RBBP5: variants seen among roughly 807,000 people sequenced by gnomAD.
RBBP5 encodes RB binding protein 5, histone lysine methyltransferase complex subunit, also known as retinoblastoma-binding protein 5.
RBBP5 carries 5 observed loss-of-function variants against 72.2 expected under a neutral mutation model. The ratio of observed to expected loss-of-function variants is 0.07; its 90% CI spans 0.04 to 0.15. The LOEUF is 0.15. RBBP5 is among the 10% of genes least tolerant of loss of function. The pLI is 1.00. For synonymous variants in RBBP5, 209 were observed against 237.2 expected, an observed-to-expected ratio of 0.88 and a Z score of 1.09; for missense variants, 322 against 652.2, an observed-to-expected ratio of 0.49 and a Z score of 5.51.
At chr1:205,112,344 TA>T (rs1656350074) in intron 3 of RBBP5, among the ~76,000 whole-genome samples, 1 of 152,104 alleles carries the variant, frequency 6.6e-6, no homozygotes, top group East Asian at 1.9e-4. Context: ...AATACAGTTA[TA>T]AATTATCTCA....
chr1:205,096,245 G>A (rs1655613955), intron 12 of RBBP5, among the ~76,000 whole-genome samples: 1 of 151,684 alleles, frequency 6.6e-6, no homozygotes. Context: ...GAGGAAGAAG[G>A]ATGCTCAATG....
intron 3 of RBBP5, among the ~76,000 whole-genome samples, chr1:205,113,444 T>TG (rs1656396526): frequency 6.6e-6 from 1 of 152,034 alleles, no homozygotes; most frequent in Admixed American, 6.6e-5. Flanking sequence ...TACACCCAGC[T>TG]AATTTTTTTA....
intron 1 of RBBP5, among the ~76,000 whole-genome samples, chr1:205,118,865 T>C (rs899646675): frequency 6.6e-6 from 1 of 152,164 alleles, no homozygotes; most frequent in African/African-American, 2.4e-5. Context: ...GTTGCAGAAG[T>C]AAAACTAGTG....
chr1:205,114,368 C>T (rs758369250), intron 3 of RBBP5, among the ~76,000 whole-genome samples: 1 of 152,114 alleles, frequency 6.6e-6, no homozygotes, highest in Non-Finnish European at 1.5e-5. Flanking sequence ...TTCTATAAAG[C>T]CTTAATAACT....
intron 1 of RBBP5, among the ~76,000 whole-genome samples, chr1:205,119,224 C>A (rs1277336837): frequency 6.6e-6 from 1 of 152,022 alleles, no homozygotes; most frequent in African/African-American, 2.4e-5. Context: ...GAAACCCAGT[C>A]TCTACTAAAA....
intron 13 of RBBP5, among the ~76,000 whole-genome samples, chr1:205,093,511 TATATATATATATATATATATATACACAC>T (rs1655471633): frequency 1.2e-3 from 10 of 8,096 alleles, no homozygotes; most frequent in African/African-American, 4.7e-3. Flanking sequence ...TATATATATA[TATATATATATATATATATATATACACAC>T]ACACACACAC....
chr1:205,098,864 AGTGT>A, intron 10 of RBBP5, 121 bp downstream of exon 10: 1 of 518,080 alleles, frequency 1.9e-6, no homozygotes, highest in Non-Finnish European at 3.3e-6. Flanking sequence ...AAAAAAAAAA[AGTGT>A]GGGGTGGAGG....
intron 3 of RBBP5, 70 bp from the exon 4 acceptor site, chr1:205,105,238 G>A (rs1656008315): frequency 1.3e-6 from 2 of 1,528,594 alleles, no homozygotes. Context: ...AATAAACTGT[G>A]TAAGTCACAC....
intron 13 of RBBP5, among the ~76,000 whole-genome samples, chr1:205,093,801 CAA>C (rs1368201355): frequency 6.6e-6 from 1 of 151,804 alleles, no homozygotes; most frequent in Non-Finnish European, 1.5e-5. Context: ...TGTTTACAGA[CAA>C]TGATTAAATG....
intron 13 of RBBP5, among the ~76,000 whole-genome samples, chr1:205,093,479 AATATATAT>A (rs1204598107): frequency 1.5e-3 from 12 of 7,844 alleles, no homozygotes; most frequent in Non-Finnish European, 3.1e-3. Context: ...AAAAAAAAAA[AATATATAT>A]ATATATATAT....
rs968830336 is a variant in RBBP5, at chr1:205,099,303, G to A, written c.979-197C>T. Among the ~76,000 whole-genome samples the A allele has an allele frequency of 3.9e-5, 6 of 152,178 alleles. No homozygotes were observed. The highest frequency in any genetic ancestry group is 1.4e-4 in the African/African-American group (6 of 41,436). ...TATCTTAAACATTAAGATAAGCTAA[G>A]TTATTAACTGTAGCTCTTTTGAATC... On this transcript the variant is annotated intron_variant, in intron 9 of 13. Transcript: ENST00000264515. This position sits in a 1 kb window ranked among gnomAD's most constrained non-coding sequence, Gnocchi z 4.7.
Position 205,099,321 on chromosome 1 carries a change from T to G in RBBP5, c.979-215A>C, listed in dbSNP as rs1479568477. 6.6e-6 allele frequency among the ~76,000 whole-genome samples: 1 copy of G among 152,252 alleles called. No individual in the cohort carries two copies. The highest frequency in any genetic ancestry group is 1.5e-5 in the Non-Finnish European group (1 of 68,044). ...AAGCTAAGTTATTAACTGTAGCTCT[T>G]TTGAATCACTGCCTTCTTTGGTCAT... is the stretch of plus-strand genomic sequence containing the variant. On this transcript the variant is annotated intron_variant, in intron 9 of 13. Transcript: ENST00000264515. This position sits in a 1 kb window ranked among gnomAD's most constrained non-coding sequence, Gnocchi z 4.7.
chr1:205,114,717 C>T (rs1394294956), intron 3 of RBBP5, 72 bp downstream of exon 3: 15 of 1,298,238 alleles, frequency 1.2e-5, no homozygotes, highest in Non-Finnish European at 1.5e-5. Context: ...AAAATATCTA[C>T]AATGAGATTT....
intron 1 of RBBP5, chr1:205,116,392 C>G (rs959951808): frequency 1.7e-5 from 5 of 291,396 alleles, no homozygotes; most frequent in African/African-American, 4.4e-5. Context: ...CTCTGGGGAC[C>G]CTCTACTTCT....
At chr1:205,110,208 C>T (rs1229422339) in intron 3 of RBBP5, among the ~76,000 whole-genome samples, 3 of 151,924 alleles carry the variant, frequency 2.0e-5, no homozygotes, top group African/African-American at 4.8e-5. Context: ...TTAGTAGAGA[C>T]GGAGTTTCAC....
intron 1 of RBBP5, among the ~76,000 whole-genome samples, chr1:205,117,062 G>C (rs1341997446): frequency 6.6e-6 from 1 of 150,986 alleles, no homozygotes; most frequent in East Asian, 2.0e-4. Context: ...TTGTTTGTTT[G>C]TTTGTTTGAG....
At chr1:205,119,542 T>C (rs1041969948) in intron 1 of RBBP5, among the ~76,000 whole-genome samples, 2 of 152,206 alleles carry the variant, frequency 1.3e-5, no homozygotes, top group African/African-American at 2.4e-5. Context: ...TTTTTACAAG[T>C]AAGCGTCAAC....
chr1:205,104,061 A>G (rs1655952015), intron 4 of RBBP5, 42 bp from the exon 5 acceptor site: 1 of 1,586,650 alleles, frequency 6.3e-7, no homozygotes, highest in Non-Finnish European at 8.6e-7. Flanking sequence ...TTGCTTTGGT[A>G]TCAGCAAGCT....
chr1:205,104,509 C>A (rs985383533), intron 4 of RBBP5, among the ~76,000 whole-genome samples: 2 of 150,212 alleles, frequency 1.3e-5, no homozygotes, highest in Non-Finnish European at 3.0e-5. Context: ...AGCGTCGCAG[C>A]GAGACTCCAT....
Sources: allele counts gnomAD v4.1 joint callset (sites outside exome capture counted in the v4.1 genomes callset), GRCh38; gene constraint gnomAD v4.1.1; non-coding constraint Gnocchi (gnomAD v3.1); transcripts MANE v1.5; gene names NCBI Gene and HGNC (gene_info 2026-07-23, HGNC 2026-07-21).